The following MED8 variants were observed in gnomAD, a reference collection of about 807,000 sequenced individuals.
MED8 encodes mediator complex subunit 8, also known as mediator of RNA polymerase II transcription subunit 8.
A neutral mutation model predicts 34.8 loss-of-function variants in MED8; 22 were observed. That is an observed-to-expected ratio of 0.63 (90% confidence interval 0.45 to 0.90). MED8 has a LOEUF of 0.90. Among genes scored for constraint, MED8 ranks in the 40% least tolerant of loss-of-function variants. MED8 has a pLI of 0.00. For missense variants in MED8, 260 were observed against 326.3 expected, an observed-to-expected ratio of 0.80 and a Z score of 1.57; for synonymous variants, 105 against 120.2, an observed-to-expected ratio of 0.87 and a Z score of 0.83.
chr1:43,386,478 C>A lies in MED8; in HGVS notation c.493+111G>T. 1 of 1,266,908 alleles carries A rather than the reference C, an allele frequency of 7.9e-7. No individual in the cohort carries two copies. Among genetic ancestry groups the A allele is most frequent in the East Asian group, 2.5e-5 (1 of 39,570 alleles). 78.5% of individuals were successfully genotyped at this position (1,266,908 alleles called of 1,614,324 possible). A position where few individuals can be genotyped will look rare whatever the true frequency, so the allele number is the denominator to read the frequency against. On this transcript the variant is annotated intron_variant, in intron 5 of 6. Coordinates refer to ENST00000372457, the MANE Select transcript of MED8 (RefSeq NM_201542.5). This position sits in a 1 kb window ranked among gnomAD's most constrained non-coding sequence, Gnocchi z 4.9. ...AAGGCTAACAGAATGGATACAAACC[C>A]CAAAGCAGTTCACCCTTGTGTCCTA...
At chr1:43,387,689 C>G in intron 2 of MED8, 42 bp from the exon 3 acceptor site, 1 of 1,607,902 alleles carries the variant, frequency 6.2e-7, no homozygotes, top group Non-Finnish European at 8.5e-7. Flanking sequence ...TACCCCTTCC[C>G]TGGGTGGTTC....
rs765652144 is a variant in MED8, at chr1:43,387,511, C to T, written c.262G>A (p.Asp88Asn). The T allele has an allele frequency of 6.2e-7, 1 of 1,614,012 alleles. No individual in the cohort carries two copies. The highest frequency in any genetic ancestry group is 1.1e-5 in the South Asian group (1 of 91,076). Residue 88 changes from aspartate (D) to asparagine (N), a missense_variant, in exon 3 of 7, where the codon GAT (aspartate) becomes AAT (asparagine). Coordinates refer to ENST00000372457, the MANE Select transcript of MED8 (RefSeq NM_201542.5). ...PLVLSPDRDE[D>N]LMRQTEGRVP... Reference sequence around the variant, plus strand: ...TCTTTTTCTCCTCTTACCATGAGATCTTCATCTCGGTCTGGAGACAACACC... The same window carrying T: ...TCTTTTTCTCCTCTTACCATGAGATTTTCATCTCGGTCTGGAGACAACACC...
rs756464493 is a variant in MED8, at chr1:43,386,541, G to A, written c.493+48C>T. On this transcript the variant is annotated intron_variant, in intron 5 of 6. Coordinates refer to ENST00000372457, the MANE Select transcript of MED8 (RefSeq NM_201542.5). The surrounding 1 kb of genome is among the most constrained non-coding windows in gnomAD (Gnocchi z 4.9). ...CCAAAACAACCATTCCCATTCCAGT[G>A]ATCTTATATACCTCTCCTTCTCTGT... The A allele has an allele frequency of 6.4e-7, 1 of 1,558,336 alleles. No individual in the cohort carries two copies. The highest frequency in any genetic ancestry group is 2.3e-5 in the East Asian group (1 of 43,754).
Position 43,387,800 on chromosome 1 carries a change from G to A in MED8, c.126-153C>T, listed in dbSNP as rs116050063. 747 of 755,652 alleles carry A rather than the reference G, an allele frequency of 9.9e-4. 10 individuals are homozygous for A. In the African/African-American group the frequency reaches 0.011, roughly 11 times the overall value. 46.8% of individuals were successfully genotyped at this position (755,652 alleles called of 1,614,324 possible). On this transcript the variant is annotated intron_variant, in intron 2 of 6. Transcript: ENST00000372457. ...AGCCTAAGTGGGAACAGACTAACAG[G>A]GATGACAGGGCTATGAAAGAGGGAC...
Position 43,384,538 on chromosome 1 carries a change from C to T in MED8, c.*504G>A. On this transcript the variant is annotated 3_prime_UTR_variant, in exon 7 of 7. Coordinates refer to ENST00000372457, the MANE Select transcript of MED8 (RefSeq NM_201542.5). The stretch of plus-strand genomic sequence containing the variant: ...CCTTAGAGGGATAGCCAGAATGAAA[C>T]CCAGGCAGGAGGGCCTGCAAAAACA... The T allele has an allele frequency of 6.2e-7, 1 of 1,610,452 alleles. No homozygotes were observed. The highest frequency in any genetic ancestry group is 1.1e-5 in the South Asian group (1 of 90,262).
Position 43,386,007 on chromosome 1 carries a change from C to A in MED8, c.713G>T (p.Gly238Val). The A allele has an allele frequency of 6.2e-7, 1 of 1,614,024 alleles. No individual in the cohort carries two copies. The highest frequency in any genetic ancestry group is 8.5e-7 in the Non-Finnish European group (1 of 1,179,894). The change falls in exon 6 of 7, where the codon GGG becomes GTG. Residue 238 changes from glycine (G) to valine (V), a missense_variant. Transcript: ENST00000372457. The surrounding 1 kb of genome is among the most constrained non-coding windows in gnomAD (Gnocchi z 4.9). ...APSQQQPMLSGVQMAQAGQPG... is the reference protein window; with the variant it reads ...APSQQQPMLSVVQMAQAGQPG... ...TTGACCTGCCTGAGCCATTTGTACCCCACTGAGCATTGGCTGCTGCTGGCT... is the reference window on the plus strand; with the variant it reads ...TTGACCTGCCTGAGCCATTTGTACCACACTGAGCATTGGCTGCTGCTGGCT...
intron 3 of MED8, 57 bp downstream of exon 3, chr1:43,387,446 T>C: frequency 6.3e-7 from 1 of 1,580,698 alleles, no homozygotes; most frequent in Non-Finnish European, 8.6e-7. Context: ...CCCTAAATAC[T>C]AAAGAAGCCT....
chr1:43,384,760 T>C lies in MED8; in HGVS notation c.*282A>G. 2 of 1,426,620 alleles carry C rather than the reference T, an allele frequency of 1.4e-6. No homozygotes were observed. The highest frequency in any genetic ancestry group is 1.8e-6 in the Non-Finnish European group (2 of 1,093,962). The allele number at this position is 1,426,620 out of a possible 1,614,324, so 88.4% of individuals were successfully genotyped here. A position where few individuals can be genotyped will look rare whatever the true frequency, so the allele number is the denominator to read the frequency against. On this transcript the variant is annotated 3_prime_UTR_variant, in exon 7 of 7. Coordinates refer to ENST00000372457, the MANE Select transcript of MED8 (RefSeq NM_201542.5). ...TATCATTTATTGAATACCCATTATT[T>C]CATATACTGTACTAAGTGCTTTACA...
chr1:43,389,638 TATC>T, intron 1 of MED8, 118 bp downstream of exon 1: 2 of 1,434,002 alleles, frequency 1.4e-6, no homozygotes, highest in Admixed American at 2.3e-5. Flanking sequence ...CACATTCCCT[TATC>T]AGCCGTGGGT....
intron 3 of MED8, among the ~76,000 whole-genome samples, chr1:43,387,279 T>C (rs1647766985): frequency 6.6e-6 from 1 of 152,206 alleles, no homozygotes; most frequent in Admixed American, 6.5e-5. Flanking sequence ...GCAAACTTTG[T>C]GGCTTGAGAC....
intron 1 of MED8, 178 bp from the exon 2 acceptor site, chr1:43,388,606 TGAG>T (rs1647872810): frequency 9.6e-7 from 1 of 1,040,570 alleles, no homozygotes; most frequent in Non-Finnish European, 1.3e-6. Context: ...GCATCAACCC[TGAG>T]ACCTTCCAAC....
chr1:43,384,861 TC>T lies in MED8; in HGVS notation c.*180del. Reference sequence around the variant, plus strand: ...CACCATTTACAAATGAGAAACAGGCTCAGAAAAATTAGGTCACTTGTCCAAG... The same window carrying T: ...CACCATTTACAAATGAGAAACAGGCTAGAAAAATTAGGTCACTTGTCCAAG... On this transcript the variant is annotated 3_prime_UTR_variant, in exon 7 of 7. Transcript: ENST00000372457. 7.2e-7 allele frequency: 1 copy of T among 1,392,798 alleles called. No individual in the cohort carries two copies. Among genetic ancestry groups the T allele is most frequent in the Non-Finnish European group, 9.4e-7 (1 of 1,062,834 alleles). 86.3% of individuals were successfully genotyped at this position (1,392,798 alleles called of 1,614,324 possible).
In MED8 at chr1:43,386,771, T is replaced by G; in HGVS notation, c.411+87A>C. On this transcript the variant is annotated intron_variant, in intron 4 of 6. Transcript: ENST00000372457. This position sits in a 1 kb window ranked among gnomAD's most constrained non-coding sequence, Gnocchi z 4.9. ...CAGAAGCAACTTAGGCGCAACCAACTATGTATCCCTACTAGACAGGAATGG... is the reference window on the plus strand; with the variant it reads ...CAGAAGCAACTTAGGCGCAACCAACGATGTATCCCTACTAGACAGGAATGG... 2 of 1,601,828 alleles carry G rather than the reference T, an allele frequency of 1.2e-6. No individual in the cohort carries two copies.
rs781194580 is a variant in MED8, at chr1:43,386,422, T to C, written c.493+167A>G. On this transcript the variant is annotated intron_variant, in intron 5 of 6. Coordinates refer to ENST00000372457, the MANE Select transcript of MED8 (RefSeq NM_201542.5). The surrounding 1 kb of genome is among the most constrained non-coding windows in gnomAD (Gnocchi z 4.9). ...CTCTCTTCTTACTTTGCCCATTTCCTCCACTGCTTCAGTGCTGGCCTTAAA... is the reference window on the plus strand; with the variant it reads ...CTCTCTTCTTACTTTGCCCATTTCCCCCACTGCTTCAGTGCTGGCCTTAAA... 1.2e-4 allele frequency: 119 copies of C among 1,027,624 alleles called. No homozygotes were observed. The highest frequency in any genetic ancestry group is 1.5e-4 in the Non-Finnish European group (107 of 717,070). 63.7% of individuals were successfully genotyped at this position (1,027,624 alleles called of 1,614,324 possible). A position where few individuals can be genotyped will look rare whatever the true frequency, so the allele number is the denominator to read the frequency against.
At chr1:43,387,927 C>T (rs975296878) in intron 2 of MED8, among the ~76,000 whole-genome samples, 2 of 152,176 alleles carry the variant, frequency 1.3e-5, no homozygotes, top group Admixed American at 6.5e-5. Context: ...ACTGTTATAA[C>T]TAAAACTTCA....
chr1:43,384,754 A>G lies in MED8; in HGVS notation c.*288T>C. On this transcript the variant is annotated 3_prime_UTR_variant, in exon 7 of 7. Coordinates refer to ENST00000372457, the MANE Select transcript of MED8 (RefSeq NM_201542.5). ...AGAAACTATCATTTATTGAATACCC[A>G]TTATTTCATATACTGTACTAAGTGC... 1 of 1,427,200 alleles carries G rather than the reference A, an allele frequency of 7.0e-7. No individual in the cohort carries two copies. Among genetic ancestry groups the G allele is most frequent in the Non-Finnish European group, 9.1e-7 (1 of 1,094,558 alleles). 88.4% of individuals were successfully genotyped at this position (1,427,200 alleles called of 1,614,324 possible).
Position 43,386,437 on chromosome 1 carries a change from C to T in MED8, c.493+152G>A. ...GCCCATTTCCTCCACTGCTTCAGTGCTGGCCTTAAATACAAAAGGCTAACA... is the reference window on the plus strand; with the variant it reads ...GCCCATTTCCTCCACTGCTTCAGTGTTGGCCTTAAATACAAAAGGCTAACA... On this transcript the variant is annotated intron_variant, in intron 5 of 6. Transcript: ENST00000372457. The surrounding 1 kb of genome is among the most constrained non-coding windows in gnomAD (Gnocchi z 4.9). 2 of 1,055,794 alleles carry T rather than the reference C, an allele frequency of 1.9e-6. No individual in the cohort carries two copies. The highest frequency in any genetic ancestry group is 1.6e-5 in the South Asian group (1 of 63,654). The allele number at this position is 1,055,794 out of a possible 1,614,324, so 65.4% of individuals were successfully genotyped here.
intron 6 of MED8, 116 bp downstream of exon 6, chr1:43,385,860 TGA>T: frequency 6.9e-7 from 1 of 1,444,106 alleles, no homozygotes; most frequent in South Asian, 1.4e-5. Context: ...TGGGTCACAG[TGA>T]AAAGGAGAAA....
Position 43,384,809 on chromosome 1 carries a change from A to C in MED8, c.*233T>G. Reference sequence around the variant, plus strand: ...CATTCATTTCCTCATTTTAATCCTCACAACAACCCTATGAGGTAGGTATTA... The same window carrying C: ...CATTCATTTCCTCATTTTAATCCTCCCAACAACCCTATGAGGTAGGTATTA... On this transcript the variant is annotated 3_prime_UTR_variant, in exon 7 of 7. Coordinates refer to ENST00000372457, the MANE Select transcript of MED8 (RefSeq NM_201542.5). The C allele has an allele frequency of 7.2e-7, 1 of 1,389,456 alleles. No individual in the cohort carries two copies. 86.1% of individuals were successfully genotyped at this position (1,389,456 alleles called of 1,614,324 possible).
Sources: gnomAD v4.1 joint callset for allele counts (sites outside exome capture counted in the v4.1 genomes callset) on GRCh38, gnomAD v4.1.1 for gene constraint, Gnocchi (gnomAD v3.1) non-coding constraint, MANE v1.5 for transcripts, NCBI Gene and HGNC (gene_info 2026-07-23, HGNC 2026-07-21) for gene names.